The following FCHSD2 variants were observed in gnomAD, a reference collection of about 807,000 sequenced individuals.
FCHSD2 encodes F-BAR and double SH3 domains protein 2.
Under a neutral mutation model 108.1 loss-of-function variants are expected in FCHSD2, and 38 were observed. The ratio of observed to expected loss-of-function variants is 0.35; its 90% confidence interval spans 0.27 to 0.46. The LOEUF (loss-of-function observed/expected upper bound fraction) is 0.46. Among genes scored for constraint, FCHSD2 ranks in the 20% least tolerant of loss-of-function variants. FCHSD2 has a pLI of 1.00. For synonymous variants in FCHSD2, 279 were observed against 314.7 expected, an observed-to-expected ratio of 0.89 and a Z score of 1.20; for missense variants, 751 against 897.8, an observed-to-expected ratio of 0.84 and a Z score of 2.09.
At position 73,027,047 on chromosome 11, in the gene FCHSD2, C is replaced by T. The variant is rs145412933; in HGVS notation, c.166-11162G>A. The stretch of plus-strand genomic sequence containing the variant: ...ATGGAGTAATACAGAAAATTGGTAC[C>T]GAGAGACATGGCGTATTTCTATAAA... On this transcript the variant is annotated intron_variant, in intron 3 of 19. Transcript: ENST00000409418. Among the ~76,000 whole-genome samples the T allele has an allele frequency of 2.2e-4, 34 of 152,020 alleles. No individual in the cohort carries two copies. The East Asian group carries it at 6.0e-3, about 27-fold the overall frequency.
At chr11:73,135,101 G>A (rs867562997) in intron 2 of FCHSD2, among the ~76,000 whole-genome samples, 1 of 152,158 alleles carries the variant, frequency 6.6e-6, no homozygotes, top group African/African-American at 2.4e-5. Context: ...TGATCCACCC[G>A]CCTTGGCCTC....
intron 2 of FCHSD2, among the ~76,000 whole-genome samples, chr11:73,123,636 T>C (rs527441740): frequency 1.3e-5 from 2 of 152,194 alleles, no homozygotes; most frequent in African/African-American, 4.8e-5. Context: ...CACACTATAA[T>C]GGCAATATTC....
At chr11:72,976,634 A>C (rs1857108848) in intron 8 of FCHSD2, among the ~76,000 whole-genome samples, 1 of 152,184 alleles carries the variant, frequency 6.6e-6, no homozygotes, top group Admixed American at 6.6e-5. Flanking sequence ...GAGGAATCAC[A>C]TTACCTAACT....
Position 73,097,665 on chromosome 11 carries a change from T to C in FCHSD2, c.120-13925A>G, listed in dbSNP as rs186931990. On this transcript the variant is annotated intron_variant, in intron 2 of 19. Transcript: ENST00000409418. The stretch of plus-strand genomic sequence containing the variant: ...ACTGATTCAATCCCTTCACTTGTTA[T>C]TGAGAATTTCTATTTTTTTCTGTAA... 7.5e-4 allele frequency among the ~76,000 whole-genome samples: 114 copies of C among 151,490 alleles called. 4 individuals are homozygous for C. The East Asian group carries it at 0.022, about 29-fold the overall frequency.
chr11:73,137,832 G>T (rs973589401), intron 2 of FCHSD2, among the ~76,000 whole-genome samples: 18 of 152,340 alleles, frequency 1.2e-4, no homozygotes, highest in Middle Eastern at 6.8e-3. Context: ...GGATGCATGG[G>T]CATGAAACGG....
intron 2 of FCHSD2, among the ~76,000 whole-genome samples, chr11:73,123,668 G>A (rs948128154): frequency 3.9e-5 from 6 of 152,114 alleles, no homozygotes; most frequent in African/African-American, 9.7e-5. Context: ...TAAACTATAC[G>A]ATCTTCTTAA....
chr11:73,103,681 T>G (rs1860275068), intron 2 of FCHSD2, among the ~76,000 whole-genome samples: 1 of 152,084 alleles, frequency 6.6e-6, no homozygotes. Flanking sequence ...ATATTATTAC[T>G]GCCAAGTGAA....
intron 8 of FCHSD2, among the ~76,000 whole-genome samples, chr11:72,964,195 AAAAC>A (rs1051628050): frequency 6.6e-6 from 1 of 152,236 alleles, no homozygotes; most frequent in Non-Finnish European, 1.5e-5. Context: ...TAAAGAAACA[AAAAC>A]AAATATATCC....
intron 3 of FCHSD2, among the ~76,000 whole-genome samples, chr11:73,023,605 A>C (rs1248175343): frequency 6.6e-6 from 1 of 152,224 alleles, no homozygotes; most frequent in Non-Finnish European, 1.5e-5. Flanking sequence ...TAGTATGGCC[A>C]CTTTGAAAGA....
intron 8 of FCHSD2, among the ~76,000 whole-genome samples, chr11:72,938,753 C>G (rs908603339): frequency 2.0e-5 from 3 of 152,114 alleles, no homozygotes; most frequent in Non-Finnish European, 4.4e-5. Context: ...ACATTAGTCA[C>G]AATTTTCATT....
At chr11:73,117,018 C>G (rs1046568425) in intron 2 of FCHSD2, among the ~76,000 whole-genome samples, 1 of 151,922 alleles carries the variant, frequency 6.6e-6, no homozygotes, top group African/African-American at 2.4e-5. Context: ...ACTCCTTTTT[C>G]CTGAGTTTTC....
chr11:72,988,301 T>C (rs564824825), intron 6 of FCHSD2, among the ~76,000 whole-genome samples: 1 of 152,322 alleles, frequency 6.6e-6, no homozygotes, highest in East Asian at 1.9e-4. Context: ...TTTCCTCAAA[T>C]TGTCACTGCA....
chr11:72,932,205 C>G (rs538360465), intron 8 of FCHSD2, among the ~76,000 whole-genome samples: 1 of 152,248 alleles, frequency 6.6e-6, no homozygotes, highest in African/African-American at 2.4e-5. Context: ...CCAACCCCTC[C>G]TCCTGATCTC....
At chr11:73,046,642 T>C (rs1858773515) in intron 3 of FCHSD2, among the ~76,000 whole-genome samples, 1 of 152,210 alleles carries the variant, frequency 6.6e-6, no homozygotes, top group South Asian at 2.1e-4. Flanking sequence ...ATTTTAAATA[T>C]AGATAGACTT....
At chr11:73,037,348 G>A (rs1275837777) in intron 3 of FCHSD2, among the ~76,000 whole-genome samples, 1 of 152,104 alleles carries the variant, frequency 6.6e-6, no homozygotes, top group Admixed American at 6.6e-5. Flanking sequence ...TATGTGTCTG[G>A]ACAAACATAT....
intron 8 of FCHSD2, among the ~76,000 whole-genome samples, chr11:72,960,782 C>T (rs1856805637): frequency 6.6e-6 from 1 of 152,038 alleles, no homozygotes; most frequent in African/African-American, 2.4e-5. Flanking sequence ...ATAAAGAACC[C>T]CAGGGTGTGA....
chr11:72,935,127 A>G (rs997962509), intron 8 of FCHSD2, among the ~76,000 whole-genome samples: 6 of 152,194 alleles, frequency 3.9e-5, no homozygotes, highest in Non-Finnish European at 8.8e-5. Context: ...GGAATATTCT[A>G]AGGACAAATT....
At chr11:72,985,208 C>A (rs1457778518) in intron 6 of FCHSD2, 92 bp from the exon 7 acceptor site, 9 of 288,894 alleles carry the variant, frequency 3.1e-5, no homozygotes, top group Admixed American at 5.3e-5. Flanking sequence ...TAAAAATAAT[C>A]TTTTTTGAAG....
chr11:73,116,371 A>G (rs1302716439), intron 2 of FCHSD2, among the ~76,000 whole-genome samples: 1 of 152,174 alleles, frequency 6.6e-6, no homozygotes, highest in Non-Finnish European at 1.5e-5. Context: ...CTGTCCTGTT[A>G]GATTGTGGCA....
Sources: allele counts gnomAD v4.1 joint callset (sites outside exome capture counted in the v4.1 genomes callset), GRCh38; gene constraint gnomAD v4.1.1; transcripts MANE v1.5; gene names NCBI Gene and HGNC (gene_info 2026-07-23, HGNC 2026-07-21).